Variants in COLGALT1 observed in about 807,000 individuals in gnomAD.
COLGALT1 encodes procollagen galactosyltransferase 1.
Under a neutral mutation model 60.8 loss-of-function variants are expected in COLGALT1, and 43 were observed. The observed-to-expected ratio is 0.71, with a 90% CI of 0.55 to 0.91. The LOEUF (loss-of-function observed/expected upper bound fraction) is 0.91, where lower values mean the gene tolerates loss of function less well. Ranked by LOEUF, COLGALT1 falls within the 40% of genes least tolerant of loss-of-function variation. COLGALT1 has a pLI of 0.00. For missense variants in COLGALT1, 845 were observed against 880.0 expected (o/e 0.96, Z 0.50); for synonymous variants, 369 against 374.2 (o/e 0.99, Z 0.16).
chr19:17,561,402 C>T (rs894189269), intron 3 of COLGALT1, among the ~76,000 whole-genome samples: 3 of 151,404 alleles, frequency 2.0e-5, no homozygotes, highest in African/African-American at 7.3e-5. Context: ...GTTTTTATCA[C>T]CATCATATGT....
At chr19:17,561,845 C>A (rs1220181928) in intron 3 of COLGALT1, among the ~76,000 whole-genome samples, 1 of 151,918 alleles carries the variant, frequency 6.6e-6, no homozygotes, top group African/African-American at 2.4e-5. Context: ...GTTATTTCAG[C>A]CTTCATACTT....
chr19:17,560,115 C>T (rs1001562531), intron 2 of COLGALT1, among the ~76,000 whole-genome samples: 1 of 152,168 alleles, frequency 6.6e-6, no homozygotes, highest in African/African-American at 2.4e-5. Flanking sequence ...CCTTCCTTCC[C>T]TCCAGTGTGC....
chr19:17,568,110 C>T (rs1450529357), intron 4 of COLGALT1, among the ~76,000 whole-genome samples: 2 of 152,164 alleles, frequency 1.3e-5, no homozygotes, highest in Non-Finnish European at 2.9e-5. Flanking sequence ...AGTCACACAG[C>T]TAGCAAGTGG....
intron 6 of COLGALT1, among the ~76,000 whole-genome samples, chr19:17,573,464 G>C (rs555991402): frequency 1.3e-5 from 2 of 152,096 alleles, no homozygotes; most frequent in African/African-American, 4.8e-5. Flanking sequence ...GGGAGGCGGA[G>C]GTTGCAGTGA....
chr19:17,558,609 C>T (rs960590747), intron 1 of COLGALT1, among the ~76,000 whole-genome samples: 18 of 151,512 alleles, frequency 1.2e-4, no homozygotes, highest in African/African-American at 4.1e-4. Flanking sequence ...ACCTGGTAGG[C>T]GGAGATTGCA....
intron 5 of COLGALT1, 108 bp from the exon 6 acceptor site, chr19:17,572,375 C>A: frequency 6.4e-7 from 1 of 1,551,916 alleles, no homozygotes; most frequent in Non-Finnish European, 8.8e-7. Context: ...GACACCTGAC[C>A]TCAAGCGATC....
intron 8 of COLGALT1, among the ~76,000 whole-genome samples, 164 bp downstream of exon 8, chr19:17,577,631 G>A (rs984282949): frequency 6.6e-6 from 1 of 152,126 alleles, no homozygotes; most frequent in Non-Finnish European, 1.5e-5. Flanking sequence ...GGACCCTGGG[G>A]AAGGGGCAGA....
Position 17,581,554 on chromosome 19 carries a change from G to C in COLGALT1, c.*110G>C. On this transcript the variant is annotated 3_prime_UTR_variant, in exon 12 of 12. Transcript: ENST00000252599. Reference sequence around the variant, plus strand: ...CCTTGGCAGGCCACAGAGGGCTCTCGTGTGGGGTGGTGTCCAGCCAGCTCT... The same window carrying C: ...CCTTGGCAGGCCACAGAGGGCTCTCCTGTGGGGTGGTGTCCAGCCAGCTCT... 1 of 1,366,336 alleles carries C rather than the reference G, an allele frequency of 7.3e-7. No individual in the cohort carries two copies. The highest frequency in any genetic ancestry group is 9.7e-7 in the Non-Finnish European group (1 of 1,026,364). The allele number at this position is 1,366,336 out of a possible 1,614,324, so 84.6% of individuals were successfully genotyped here. A position where few individuals can be genotyped will look rare whatever the true frequency, so the allele number is the denominator to read the frequency against.
intron 4 of COLGALT1, 59 bp downstream of exon 4, chr19:17,567,599 G>A: frequency 6.4e-7 from 1 of 1,566,040 alleles, no homozygotes; most frequent in South Asian, 1.2e-5. Flanking sequence ...GCCGTGGCTA[G>A]AGTGTAACTT....
At chr19:17,563,139 G>C (rs2076258659) in intron 3 of COLGALT1, among the ~76,000 whole-genome samples, 1 of 150,716 alleles carries the variant, frequency 6.6e-6, no homozygotes, top group Admixed American at 6.6e-5. Context: ...CAAAGTGCTG[G>C]TTCAAAACTC....
In COLGALT1 at chr19:17,566,705, G is replaced by A. The variant is rs2076281553; in HGVS notation, c.490-701G>A. On this transcript the variant is annotated intron_variant, in intron 3 of 11. Coordinates refer to ENST00000252599, the MANE Select transcript of COLGALT1 (RefSeq NM_024656.4). ...AGCTACTTGAGAGGCTGAGATGAGA[G>A]GATCACTTGAGCCCAGAAACTCCAG... Among the ~76,000 whole-genome samples, 8 of 152,082 alleles carry A rather than the reference G, an allele frequency of 5.3e-5. No homozygotes were observed. The South Asian group carries it at 1.7e-3, about 32-fold the overall frequency.
chr19:17,572,582 A>G lies in COLGALT1; in HGVS notation c.929A>G (p.His310Arg). The G allele has an allele frequency of 6.2e-7, 1 of 1,614,100 alleles. No individual in the cohort carries two copies. The highest frequency in any genetic ancestry group is 8.5e-7 in the Non-Finnish European group (1 of 1,180,034). ...TLQDEAESFM[H>R]VQLEVMVKHP... ...CAGGATGAGGCCGAGAGCTTCATGC[A>G]TGTGCAGCTGGAGGTCATGGGTGAG... Residue 310 changes from histidine to arginine, a missense_variant, in exon 6 of 12, where the codon CAT becomes CGT. His to Arg is a conservative substitution (Grantham distance 29). Transcript: ENST00000252599.
In COLGALT1 at chr19:17,581,721, A is replaced by T; in HGVS notation, c.*277A>T. ...CCAGCATTTATTAAGCACCTGCTGT[A>T]TGCAAGGTTCCCATGTTACGGCAGT... On this transcript the variant is annotated 3_prime_UTR_variant, in exon 12 of 12. Coordinates refer to ENST00000252599, the MANE Select transcript of COLGALT1 (RefSeq NM_024656.4). 1 of 503,598 alleles carries T rather than the reference A, an allele frequency of 2.0e-6. No individual in the cohort carries two copies. Among genetic ancestry groups the T allele is most frequent in the Non-Finnish European group, 3.6e-6 (1 of 279,944 alleles). The allele number at this position is 503,598 out of a possible 1,614,324, so 31.2% of individuals were successfully genotyped here.
chr19:17,565,195 C>T (rs140128551), intron 3 of COLGALT1, among the ~76,000 whole-genome samples: 12 of 151,924 alleles, frequency 7.9e-5, no homozygotes, highest in Admixed American at 2.6e-4. Context: ...TGCTCTGTCG[C>T]GCAGGTTTGC....
At chr19:17,569,366 G>A (rs750464702) in intron 5 of COLGALT1, among the ~76,000 whole-genome samples, 18 of 151,828 alleles carry the variant, frequency 1.2e-4, no homozygotes, top group Non-Finnish European at 2.4e-4. Flanking sequence ...CATTGAACCC[G>A]TTACACAATT....
chr19:17,568,810 C>T (rs2076295458), intron 5 of COLGALT1, 97 bp downstream of exon 5: 1 of 1,229,486 alleles, frequency 8.1e-7, no homozygotes, highest in Non-Finnish European at 1.2e-6. Context: ...TTCACAGAAC[C>T]CAAACAATGC....
At chr19:17,574,400 G>T (rs2144838397) in intron 6 of COLGALT1, among the ~76,000 whole-genome samples, 2 of 151,860 alleles carry the variant, frequency 1.3e-5, no homozygotes, top group South Asian at 4.2e-4. Context: ...CGCATTCTGG[G>T]CTCACTTGAA....
At chr19:17,568,329 C>CT (rs2076291128) in intron 4 of COLGALT1, among the ~76,000 whole-genome samples, 180 bp from the exon 5 acceptor site, 1 of 152,178 alleles carries the variant, frequency 6.6e-6, no homozygotes, top group African/African-American at 2.4e-5. Context: ...AAGGCTCTTT[C>CT]TTATTGGCCA....
rs1291540313 is a variant in COLGALT1, at chr19:17,577,527, C to G, written c.1133+60C>G. 3.0e-6 allele frequency: 4 copies of G among 1,355,766 alleles called. No individual in the cohort carries two copies. The African/African-American group carries it at 4.4e-5, about 15-fold the overall frequency. The allele number at this position is 1,355,766 out of a possible 1,614,324, so 84.0% of individuals were successfully genotyped here. ...CGCACGTGGATGTGGGTGTAGACCT[C>G]GCTGGTAGACGGCAAGTGATTCAGA... is the stretch of plus-strand genomic sequence containing the variant. On this transcript the variant is annotated intron_variant, in intron 8 of 11. Coordinates refer to ENST00000252599, the MANE Select transcript of COLGALT1 (RefSeq NM_024656.4).
Sources: gnomAD v4.1 joint callset for allele counts (sites outside exome capture counted in the v4.1 genomes callset) on GRCh38, gnomAD v4.1.1 for gene constraint, MANE v1.5 for transcripts, NCBI Gene and HGNC (gene_info 2026-07-23, HGNC 2026-07-21) for gene names.